The following MYCT1 variants were observed in gnomAD, a reference collection of about 807,000 sequenced individuals.
MYCT1 encodes the protein MYC target 1.
Under a neutral mutation model 15.0 loss-of-function variants are expected in MYCT1, and 12 were observed. The ratio of observed to expected loss-of-function variants is 0.80; its 90% CI spans 0.51 to 1.29. The LOEUF (loss-of-function observed/expected upper bound fraction) is 1.29, where lower values mean the gene tolerates loss of function less well. MYCT1 is among the 50% of genes most tolerant of loss of function. The pLI is 0.00. For missense variants in MYCT1, 287 were observed against 279.1 expected (o/e 1.03, Z -0.20); for synonymous variants, 104 against 102.7 (o/e 1.01, Z -0.07).
chr6:152,704,780 T>TATACATATCAA (rs1269866906), intron 1 of MYCT1, among the ~76,000 whole-genome samples: 4 of 152,194 alleles, frequency 2.6e-5, no homozygotes, highest in Non-Finnish European at 5.9e-5. Context: ...GATATTTTGA[T>TATACATATCAA]ATACATATAT....
Position 152,722,287 on chromosome 6 carries a change from T to G in MYCT1, c.*34T>G, listed in dbSNP as rs779862908. 1 of 1,557,896 alleles carries G rather than the reference T, an allele frequency of 6.4e-7. No homozygotes were observed. Among genetic ancestry groups the G allele is most frequent in the South Asian group, 1.2e-5 (1 of 82,538 alleles). ...GCTTTTGGTTTTTGTTTCTTTCTTG[T>G]CTTGTCTTTTATTGAAAGGAAATCA... On this transcript the variant is annotated 3_prime_UTR_variant, in exon 2 of 2. Coordinates refer to ENST00000367245, the MANE Select transcript of MYCT1 (RefSeq NM_025107.3).
intron 1 of MYCT1, among the ~76,000 whole-genome samples, chr6:152,712,931 T>C (rs2099723004): frequency 1.3e-5 from 2 of 152,042 alleles, no homozygotes; most frequent in Non-Finnish European, 1.5e-5. Context: ...GACTCTTGAT[T>C]TGTAGATTAA....
chr6:152,700,181 C>T (rs76672880), intron 1 of MYCT1, among the ~76,000 whole-genome samples: 9,836 of 151,918 alleles, frequency 0.065, 488 homozygotes, highest in East Asian at 0.17. Context: ...TTTAAATTTC[C>T]ATTGCTTTTG....
chr6:152,704,862 T>G (rs1290792696), intron 1 of MYCT1, among the ~76,000 whole-genome samples: 1 of 152,284 alleles, frequency 6.6e-6, no homozygotes, highest in Middle Eastern at 3.4e-3. Context: ...TTATTTTTGG[T>G]GGTAAGAACA....
At chr6:152,737,618 C>G in the MYCT1 span, among the ~76,000 whole-genome samples, 1 of 152,050 alleles carries the variant, frequency 6.6e-6, no homozygotes, top group Non-Finnish European at 1.5e-5. Context: ...TGAAAGGGAT[C>G]TAGGTGGGGA....
intron 1 of MYCT1, among the ~76,000 whole-genome samples, chr6:152,713,744 C>T (rs2099723136): frequency 1.3e-5 from 2 of 152,106 alleles, no homozygotes; most frequent in Non-Finnish European, 1.5e-5. Context: ...TCCTCTCTGG[C>T]TTTCTCTTCT....
intron 1 of MYCT1, chr6:152,706,143 C>T (rs1054211801): frequency 3.6e-6 from 5 of 1,403,602 alleles, no homozygotes; most frequent in Admixed American, 1.7e-5. Context: ...TAGAATAGTG[C>T]TTTACCTTTA....
intron 1 of MYCT1, among the ~76,000 whole-genome samples, chr6:152,699,746 TA>T (rs965939819): frequency 2.8e-4 from 43 of 152,184 alleles, no homozygotes; most frequent in African/African-American, 9.9e-4. Context: ...CAGGTTTACT[TA>T]AAAAAACAAA....
At chr6:152,727,935 G>A (rs1198483188), downstream of MYCT1, among the ~76,000 whole-genome samples, 10 of 151,954 alleles carry the variant, frequency 6.6e-5, no homozygotes, top group South Asian at 2.1e-4. Context: ...AGACGGAGAC[G>A]GGCAGATCAC....
Position 152,698,026 on chromosome 6 carries a change from C to T in MYCT1, c.124C>T (p.Leu42Phe), listed in dbSNP as rs772912905. The T allele has an allele frequency of 2.5e-6, 4 of 1,610,146 alleles. No individual in the cohort carries two copies. The highest frequency in any genetic ancestry group is 1.1e-5 in the South Asian group (1 of 90,330). The change falls in exon 1 of 2, where the codon CTT (leucine) becomes TTT (phenylalanine). Residue 42 changes from leucine to phenylalanine, a missense_variant. Leu to Phe is a conservative substitution (Grantham distance 22). Coordinates refer to ENST00000367245, the MANE Select transcript of MYCT1 (RefSeq NM_025107.3). ...LVFLSVFLLF[L>F]LFLVDIMANN... ...TTTTCTTTCTGTTTTTCTTCTCTTT[C>T]TTCTATTTCTTGTGGATATTATGGC...
rs2099721354 is a variant in MYCT1, at chr6:152,701,698, T to C, written c.196+3600T>C. On this transcript the variant is annotated intron_variant, in intron 1 of 1. Transcript: ENST00000367245. ...TATTTCTCATCAGCTTTTGAGACAT[T>C]GCCCTTTCTCTGATTTTCACTGCCG... 3.3e-5 allele frequency among the ~76,000 whole-genome samples: 5 copies of C among 152,154 alleles called. No individual in the cohort carries two copies. In the South Asian group the frequency reaches 1.0e-3, roughly 31 times the overall value.
chr6:152,736,159 A>C, the MYCT1 span, among the ~76,000 whole-genome samples: 4 of 152,126 alleles, frequency 2.6e-5, no homozygotes, highest in Non-Finnish European at 4.4e-5. Flanking sequence ...AGGAATAGGA[A>C]CAGATATATA....
intron 1 of MYCT1, among the ~76,000 whole-genome samples, chr6:152,713,632 AT>A (rs556645665): frequency 2.0e-5 from 3 of 151,370 alleles, no homozygotes; most frequent in Middle Eastern, 3.4e-3. Context: ...ACTTTAGTTT[AT>A]TTTTTTTTCT....
chr6:152,715,090 G>A (rs2099723413), intron 1 of MYCT1, among the ~76,000 whole-genome samples: 1 of 152,080 alleles, frequency 6.6e-6, no homozygotes, highest in Non-Finnish European at 1.5e-5. Flanking sequence ...ATAGTGCACA[G>A]CATTCTACTC....
At chr6:152,737,394 A>G in the MYCT1 span, among the ~76,000 whole-genome samples, 1 of 151,972 alleles carries the variant, frequency 6.6e-6, no homozygotes, top group African/African-American at 2.4e-5. Context: ...TAAGAAAAAT[A>G]TTGGAGATAT....
At chr6:152,727,080 G>A (rs186018899), downstream of MYCT1, among the ~76,000 whole-genome samples, 9 of 151,854 alleles carry the variant, frequency 5.9e-5, no homozygotes, top group South Asian at 4.2e-4. Context: ...GCATGGTGGC[G>A]GGCGCCTGTA....
At chr6:152,738,141 T>C in the MYCT1 span, among the ~76,000 whole-genome samples, 8 of 152,008 alleles carry the variant, frequency 5.3e-5, no homozygotes, top group Non-Finnish European at 1.2e-4. Context: ...TATAAATAAT[T>C]ATAAAAATTC....
At chr6:152,708,447 G>A (rs1264796892) in intron 1 of MYCT1, among the ~76,000 whole-genome samples, 1 of 151,934 alleles carries the variant, frequency 6.6e-6, no homozygotes, top group East Asian at 1.9e-4. Flanking sequence ...TGGAGACTGA[G>A]GTGGGAGGGT....
chr6:152,718,323 G>T (rs571019290), intron 1 of MYCT1, among the ~76,000 whole-genome samples: 1 of 152,084 alleles, frequency 6.6e-6, no homozygotes, highest in Non-Finnish European at 1.5e-5. Context: ...ATGTATTTTG[G>T]AAATAAAACA....
Sources: allele counts gnomAD v4.1 joint callset (sites outside exome capture counted in the v4.1 genomes callset), GRCh38; gene constraint gnomAD v4.1.1; transcripts MANE v1.5; gene names NCBI Gene and HGNC (gene_info 2026-07-23, HGNC 2026-07-21).